PKP4: variants seen among roughly 807,000 people sequenced by gnomAD.
The protein encoded by PKP4 is plakophilin-4.
A neutral mutation model predicts 145.1 loss-of-function variants in PKP4; 90 were observed. The ratio of observed to expected loss-of-function variants is 0.62; its 90% confidence interval spans 0.52 to 0.74. The LOEUF (loss-of-function observed/expected upper bound fraction) is 0.74. Ranked by LOEUF, PKP4 falls within the 30% of genes least tolerant of loss-of-function variation. PKP4 has a pLI of 0.00. For synonymous variants in PKP4, 563 were observed against 577.2 expected (o/e 0.98, Z 0.35); for missense variants, 1,340 against 1,482.7 (o/e 0.90, Z 1.58).
chr2:158,578,782 T>G (rs1034954630), intron 3 of PKP4, among the ~76,000 whole-genome samples: 3 of 152,162 alleles, frequency 2.0e-5, no homozygotes, highest in African/African-American at 7.2e-5. Context: ...AAACTCCTAG[T>G]AATACTTGGT....
intron 17 of PKP4, 83 bp from the exon 18 acceptor site, chr2:158,673,594 C>A: frequency 1.0e-6 from 1 of 995,562 alleles, no homozygotes; most frequent in Non-Finnish European, 1.6e-6. Flanking sequence ...GGCCTGTTGG[C>A]CACTGATTTT....
chr2:158,565,339 C>A (rs2046878822), intron 2 of PKP4, among the ~76,000 whole-genome samples: 1 of 151,656 alleles, frequency 6.6e-6, no homozygotes, highest in Non-Finnish European at 1.5e-5. Context: ...AAAAAGAATT[C>A]TCAATATGGC....
At chr2:158,670,135 CT>C (rs1282578078) in intron 17 of PKP4, among the ~76,000 whole-genome samples, 1 of 152,224 alleles carries the variant, frequency 6.6e-6, no homozygotes, top group African/African-American at 2.4e-5. Context: ...TTGTAACACC[CT>C]CACTCCTACA....
chr2:158,513,737 T>A (rs1342132671), intron 1 of PKP4, among the ~76,000 whole-genome samples: 2 of 152,174 alleles, frequency 1.3e-5, no homozygotes, highest in Non-Finnish European at 2.9e-5. Context: ...CACCGTCATC[T>A]TAGGCAAATT....
chr2:158,641,150 A>C, intron 10 of PKP4, among the ~76,000 whole-genome samples: 1 of 152,158 alleles, frequency 6.6e-6, no homozygotes, highest in Non-Finnish European at 1.5e-5. Context: ...CAGCCTGGCC[A>C]ACATGGTGAA....
intron 21 of PKP4, 36 bp downstream of exon 21, chr2:158,678,690 T>C (rs781674821): frequency 7.6e-7 from 1 of 1,314,624 alleles, no homozygotes; most frequent in Non-Finnish European, 1.1e-6. Flanking sequence ...GAAGGCTGAT[T>C]AGCAGTTAAC....
chr2:158,533,152 T>C, intron 1 of PKP4, 28 bp from the exon 2 acceptor site: 1 of 1,589,344 alleles, frequency 6.3e-7, no homozygotes, highest in South Asian at 1.1e-5. Flanking sequence ...CAGAAGAAAG[T>C]GTTAACCCTT....
intron 15 of PKP4, among the ~76,000 whole-genome samples, chr2:158,663,938 C>T (rs2056846134): frequency 6.6e-6 from 1 of 152,206 alleles, no homozygotes; most frequent in South Asian, 2.1e-4. Context: ...TCTTGTGGTG[C>T]AGAGAAGACG....
rs1180522776 is a variant in PKP4, at chr2:158,666,713, T to G, written c.2728+150T>G. On this transcript the variant is annotated intron_variant, in intron 16 of 21. Transcript: ENST00000389759. ...TCTTGGCATATTTGAGTACTCCTGT[T>G]TTGTGACCATTCTTTTTCAGCAGGA... 6.9e-6 allele frequency: 4 copies of G among 578,102 alleles called. No individual in the cohort carries two copies. In the African/African-American group the frequency reaches 7.7e-5, roughly 11 times the overall value. The allele number at this position is 578,102 out of a possible 1,614,324, so 35.8% of individuals were successfully genotyped here.
chr2:158,517,058 A>G (rs916294447), intron 1 of PKP4, among the ~76,000 whole-genome samples: 3 of 152,206 alleles, frequency 2.0e-5, no homozygotes, highest in Non-Finnish European at 1.5e-5. Flanking sequence ...TAATTCACAT[A>G]TAAATTGCCA....
chr2:158,522,219 T>G (rs953226384), intron 1 of PKP4, among the ~76,000 whole-genome samples: 3 of 152,208 alleles, frequency 2.0e-5, no homozygotes, highest in African/African-American at 7.2e-5. Flanking sequence ...ATCCAGTATT[T>G]AGTTGATTTG....
intron 11 of PKP4, among the ~76,000 whole-genome samples, chr2:158,654,663 G>A (rs2055738321): frequency 6.6e-6 from 1 of 152,038 alleles, no homozygotes; most frequent in Non-Finnish European, 1.5e-5. Flanking sequence ...GTGAAAGGCA[G>A]GCAAAACTAT....
At chr2:158,481,289 T>C (rs1381948794) in intron 1 of PKP4, among the ~76,000 whole-genome samples, 4 of 152,202 alleles carry the variant, frequency 2.6e-5, no homozygotes, top group African/African-American at 9.7e-5. Context: ...TATCCATTCA[T>C]CAGCTATGGG....
intron 10 of PKP4, among the ~76,000 whole-genome samples, chr2:158,642,205 G>T (rs770999575): frequency 6.6e-6 from 1 of 152,136 alleles, no homozygotes; most frequent in Non-Finnish European, 1.5e-5. Flanking sequence ...TCTATTTTTA[G>T]TAGAGACGGG....
chr2:158,507,108 A>G (rs1316065960), intron 1 of PKP4, among the ~76,000 whole-genome samples: 1 of 152,260 alleles, frequency 6.6e-6, no homozygotes, highest in Non-Finnish European at 1.5e-5. Context: ...TTTGAAGGCC[A>G]AGATGACATT....
chr2:158,648,963 A>G (rs139561380), intron 11 of PKP4, among the ~76,000 whole-genome samples: 1 of 152,226 alleles, frequency 6.6e-6, no homozygotes, highest in African/African-American at 2.4e-5. Context: ...GCGCCACTGC[A>G]CTCCAGCCTG....
intron 15 of PKP4, among the ~76,000 whole-genome samples, chr2:158,665,394 G>T (rs1474946980): frequency 6.6e-6 from 1 of 152,166 alleles, no homozygotes; most frequent in Non-Finnish European, 1.5e-5. Flanking sequence ...TAGGATCTTT[G>T]AAATGCATCT....
At chr2:158,554,642 G>T (rs940086865) in intron 2 of PKP4, among the ~76,000 whole-genome samples, 3 of 152,022 alleles carry the variant, frequency 2.0e-5, no homozygotes. Flanking sequence ...AGCCAGGATG[G>T]TCTCGATCTC....
At chr2:158,652,206 A>G (rs796687197) in intron 11 of PKP4, among the ~76,000 whole-genome samples, 53 of 152,342 alleles carry the variant, frequency 3.5e-4, no homozygotes, top group African/African-American at 1.1e-3. Flanking sequence ...CCAAGTCTTC[A>G]TAATCTGTTT....
Sources: allele counts gnomAD v4.1 joint callset (sites outside exome capture counted in the v4.1 genomes callset), GRCh38; gene constraint gnomAD v4.1.1; transcripts MANE v1.5; gene names NCBI Gene and HGNC (gene_info 2026-07-23, HGNC 2026-07-21).